SOCS2: variants seen among roughly 807,000 people sequenced by gnomAD.
SOCS2 encodes CIS-2.
Under a neutral mutation model 18.6 loss-of-function variants are expected in SOCS2, and 10 were observed. The ratio of observed to expected loss-of-function variants is 0.54; its 90% CI spans 0.33 to 0.91. SOCS2 has a LOEUF of 0.91. Among genes scored for constraint, SOCS2 ranks in the 40% least tolerant of loss-of-function variants. The probability of loss-of-function intolerance (pLI) is 0.02; values close to 1 mark genes in which losing one functional copy is unlikely to be tolerated. For synonymous variants in SOCS2, 104 were observed against 104.0 expected (o/e 1.00, Z 0.00); for missense variants, 231 against 247.2 (o/e 0.93, Z 0.44).
At chr12:93,613,065 C>T in the SOCS2 span, among the ~76,000 whole-genome samples, 256 of 152,276 alleles carry the variant, frequency 1.7e-3, 1 homozygote, top group African/African-American at 5.8e-3. Flanking sequence ...TCAGGAACTC[C>T]GGCACTTCTT....
At chr12:93,615,352 G>A in the SOCS2 span, among the ~76,000 whole-genome samples, 4 of 152,196 alleles carry the variant, frequency 2.6e-5, no homozygotes, top group East Asian at 1.9e-4. Context: ...GATTCCATCC[G>A]TTTCTCTCCA....
chr12:93,600,852 G>A, the SOCS2 span, among the ~76,000 whole-genome samples: 2 of 150,966 alleles, frequency 1.3e-5, no homozygotes, highest in East Asian at 1.9e-4. Context: ...GCAGTGACGT[G>A]ATCATGGCTC....
chr12:93,574,686 C>A, intron 1 of SOCS2, 36 bp from the exon 2 acceptor site: 2 of 1,431,422 alleles, frequency 1.4e-6, no homozygotes, highest in Admixed American at 2.2e-5. Flanking sequence ...AACTGTTTTA[C>A]CCTCTTTTCT....
the SOCS2 span, among the ~76,000 whole-genome samples, chr12:93,590,507 A>G: frequency 6.6e-6 from 1 of 152,076 alleles, no homozygotes; most frequent in South Asian, 2.1e-4. Context: ...ATTAAAAGTT[A>G]GCTTCCCGTA....
the SOCS2 span, among the ~76,000 whole-genome samples, chr12:93,624,845 T>C: frequency 0.031 from 4,668 of 152,292 alleles, 93 homozygotes; most frequent in African/African-American, 0.051. Context: ...ATACTAAAGA[T>C]AGAACCCTAA....
the SOCS2 span, among the ~76,000 whole-genome samples, chr12:93,624,113 A>T: frequency 6.6e-6 from 1 of 152,202 alleles, no homozygotes; most frequent in South Asian, 2.1e-4. Context: ...GCCTTGTAAA[A>T]GGTCTGGAGG....
the SOCS2 span, among the ~76,000 whole-genome samples, chr12:93,610,699 G>T: frequency 6.6e-6 from 1 of 152,234 alleles, no homozygotes; most frequent in South Asian, 2.1e-4. Flanking sequence ...CTTTTGCCAT[G>T]TGAAGACACA....
downstream of SOCS2, among the ~76,000 whole-genome samples, chr12:93,586,011 A>G (rs943281867): frequency 6.6e-6 from 1 of 152,176 alleles, no homozygotes; most frequent in African/African-American, 2.4e-5. Flanking sequence ...AAAGGTTTGT[A>G]TTATTTATTA....
At chr12:93,582,087 T>C (rs540594226) in intron 1 of SOCS2, among the ~76,000 whole-genome samples, 9 of 152,322 alleles carry the variant, frequency 5.9e-5, no homozygotes, top group African/African-American at 1.9e-4. Flanking sequence ...TGTAGTTACT[T>C]TGCGGACAGG....
the SOCS2 span, among the ~76,000 whole-genome samples, chr12:93,600,270 C>G: frequency 6.6e-6 from 1 of 152,106 alleles, no homozygotes; most frequent in Admixed American, 6.5e-5. Context: ...TTTAATGTTA[C>G]CTTTGTAATA....
downstream of SOCS2, among the ~76,000 whole-genome samples, chr12:93,584,102 T>C (rs901358286): frequency 1.3e-5 from 2 of 152,144 alleles, no homozygotes; most frequent in South Asian, 2.1e-4. Context: ...CCAGAGTGGA[T>C]TGGTCCTTTC....
At chr12:93,572,534 G>T, upstream of SOCS2, 1 of 443,760 alleles carries the variant, frequency 2.3e-6, no homozygotes, top group East Asian at 5.0e-5. This position sits in a 1 kb window ranked among gnomAD's most constrained non-coding sequence, Gnocchi z 5.0. Flanking sequence ...CTAGAGCTGG[G>T]CCAGGGCGCT....
the SOCS2 span, among the ~76,000 whole-genome samples, chr12:93,614,611 CTTTCTT>C: frequency 9.7e-6 from 1 of 103,266 alleles, no homozygotes; most frequent in Non-Finnish European, 1.9e-5. Context: ...TTCTTTCTTT[CTTTCTT>C]TCTTTCTTTC....
chr12:93,622,881 A>G, the SOCS2 span, among the ~76,000 whole-genome samples: 4 of 152,210 alleles, frequency 2.6e-5, no homozygotes, highest in Admixed American at 2.0e-4. Flanking sequence ...TCAGCCCTAT[A>G]AACTTATGGA....
downstream of SOCS2, chr12:93,576,869 T>G (rs1954473563): frequency 6.6e-6 from 1 of 152,378 alleles, no homozygotes; most frequent in South Asian, 2.1e-4. Context: ...AGGAAGAGTT[T>G]ACTTGTGGCC....
chr12:93,619,735 A>G, the SOCS2 span, among the ~76,000 whole-genome samples: 1 of 152,130 alleles, frequency 6.6e-6, no homozygotes, highest in Non-Finnish European at 1.5e-5. Flanking sequence ...TTTCCCTTGC[A>G]TTACACTAAA....
upstream of SOCS2, chr12:93,572,357 A>G (rs1003355167): frequency 1.7e-5 from 5 of 300,930 alleles, no homozygotes; most frequent in African/African-American, 6.6e-5. This position sits in a 1 kb window ranked among gnomAD's most constrained non-coding sequence, Gnocchi z 5.0. Context: ...ACAAGGGCCT[A>G]TTCCCACTGG....
the SOCS2 span, among the ~76,000 whole-genome samples, chr12:93,614,619 CTTTCTTTCTTTCT>C: frequency 1.1e-5 from 1 of 93,814 alleles, no homozygotes; most frequent in Non-Finnish European, 2.2e-5. Flanking sequence ...TTCTTTCTTT[CTTTCTTTCTTTCT>C]TTTGATGGAG....
the SOCS2 span, among the ~76,000 whole-genome samples, chr12:93,598,044 A>C: frequency 2.0e-5 from 3 of 152,328 alleles, no homozygotes; most frequent in Admixed American, 1.3e-4. Flanking sequence ...TAAACATTTG[A>C]ATACATGAGA....
Sources: gnomAD v4.1 joint callset for allele counts (sites outside exome capture counted in the v4.1 genomes callset) on GRCh38, gnomAD v4.1.1 for gene constraint, Gnocchi (gnomAD v3.1) non-coding constraint, MANE v1.5 for transcripts, NCBI Gene and HGNC (gene_info 2026-07-23, HGNC 2026-07-21) for gene names.